The following IFT80 variants were observed in gnomAD, a reference collection of about 807,000 sequenced individuals.
IFT80 encodes the protein intraflagellar transport 80.
A neutral mutation model predicts 107.9 loss-of-function variants in IFT80; 79 were observed. That is an observed-to-expected ratio of 0.73 (90% CI 0.61 to 0.88). The LOEUF (loss-of-function observed/expected upper bound fraction) is 0.88. Ranked by LOEUF, IFT80 falls within the 40% of genes least tolerant of loss-of-function variation. The pLI, the probability that IFT80 is intolerant of heterozygous loss-of-function variation, is 0.00. For missense variants in IFT80, 797 were observed against 914.2 expected (o/e 0.87, Z 1.65); for synonymous variants, 299 against 300.9 (o/e 0.99, Z 0.07).
chr3:160,386,114 A>C (rs181486258), intron 1 of IFT80, among the ~76,000 whole-genome samples: 1 of 152,320 alleles, frequency 6.6e-6, no homozygotes, highest in Admixed American at 6.5e-5. Context: ...TGGTTTTTAC[A>C]AGAAAGGAAT....
intron 14 of IFT80, 125 bp from the exon 15 acceptor site, chr3:160,280,939 T>C (rs1714642962): frequency 2.5e-6 from 2 of 811,334 alleles, no homozygotes; most frequent in South Asian, 3.1e-5. Context: ...TACTTTCTGA[T>C]TCTATAATGG....
chr3:160,292,958 G>A (rs1046499379), intron 12 of IFT80, among the ~76,000 whole-genome samples: 1 of 152,170 alleles, frequency 6.6e-6, no homozygotes, highest in African/African-American at 2.4e-5. Context: ...GGACCTGATA[G>A]GATGGGTTGT....
intron 8 of IFT80, among the ~76,000 whole-genome samples, chr3:160,345,130 A>C (rs962977217): frequency 1.3e-5 from 2 of 152,222 alleles, no homozygotes; most frequent in Non-Finnish European, 2.9e-5. Context: ...TCCAAGAGCT[A>C]TCTCCATGTT....
chr3:160,290,108 C>A (rs112137900), intron 12 of IFT80, among the ~76,000 whole-genome samples: 20 of 152,056 alleles, frequency 1.3e-4, no homozygotes, highest in Non-Finnish European at 2.4e-4. Flanking sequence ...ACACCTCCCC[C>A]ACCTACTACT....
intron 9 of IFT80, among the ~76,000 whole-genome samples, chr3:160,308,249 T>C (rs1257956733): frequency 1.3e-5 from 2 of 152,098 alleles, no homozygotes; most frequent in African/African-American, 4.8e-5. Flanking sequence ...GTAGGAGGTA[T>C]TGGTAAACAA....
chr3:160,295,832 A>C (rs1715930876), intron 12 of IFT80, among the ~76,000 whole-genome samples: 1 of 152,218 alleles, frequency 6.6e-6, no homozygotes, highest in African/African-American at 2.4e-5. Context: ...AAAAAAGGAA[A>C]TCCTGCAACA....
At chr3:160,380,986 G>A (rs1191304258) in intron 3 of IFT80, among the ~76,000 whole-genome samples, 2 of 151,940 alleles carry the variant, frequency 1.3e-5, no homozygotes, top group African/African-American at 4.8e-5. Context: ...TGTAATCCCA[G>A]CACTTTGGGA....
At chr3:160,319,718 T>C in intron 9 of IFT80, 42 bp downstream of exon 9, 2 of 1,480,878 alleles carry the variant, frequency 1.4e-6, no homozygotes, top group South Asian at 1.1e-5. Flanking sequence ...TTAACTAATA[T>C]GAAAAGAAGC....
chr3:160,381,573 G>C lies in IFT80; in HGVS notation c.189C>G (p.His63Gln). ...TTACACCCAAACTTTTTGGAAACCA[G>C]TGAAAATCAATAGGGTAAATATCAT... ...LPDDIYPIDF[H>Q]WFPKSLGVKK... Residue 63 changes from histidine (H) to glutamine (Q), a missense_variant, in exon 3 of 20, where the codon CAC (histidine) becomes CAG (glutamine). His to Gln is a conservative substitution (Grantham distance 24). Transcript: ENST00000326448. 1 of 1,613,772 alleles carries C rather than the reference G, an allele frequency of 6.2e-7. No homozygotes were observed. The highest frequency in any genetic ancestry group is 1.1e-5 in the South Asian group (1 of 91,072).
intron 9 of IFT80, among the ~76,000 whole-genome samples, chr3:160,309,248 C>T (rs1003216288): frequency 7.2e-5 from 11 of 152,060 alleles, no homozygotes; most frequent in Admixed American, 4.6e-4. Flanking sequence ...CACTACAGCA[C>T]TATTAGTAAT....
chr3:160,315,933 T>C (rs1391524218), intron 9 of IFT80, among the ~76,000 whole-genome samples: 1 of 152,148 alleles, frequency 6.6e-6, no homozygotes, highest in Non-Finnish European at 1.5e-5. Flanking sequence ...AGGTTGAATA[T>C]GTATCCATAT....
chr3:160,277,181 G>T, intron 18 of IFT80, 125 bp downstream of exon 18: 1 of 809,328 alleles, frequency 1.2e-6, no homozygotes, highest in Non-Finnish European at 2.1e-6. Flanking sequence ...ATATGAATAT[G>T]AATAAATTCT....
chr3:160,346,050 A>C lies in IFT80; in HGVS notation c.777+9963T>G, dbSNP rs1720268926. 2.0e-5 allele frequency among the ~76,000 whole-genome samples: 3 copies of C among 152,320 alleles called. No homozygotes were observed. The South Asian group carries it at 6.2e-4, about 32-fold the overall frequency. On this transcript the variant is annotated intron_variant, in intron 8 of 19. Coordinates refer to ENST00000326448, the MANE Select transcript of IFT80 (RefSeq NM_020800.3). ...CTGTGTATCTACAAAAATTAAAGTTAAATAAATAAAAAAATCAAATCTATA... is the reference window on the plus strand; with the variant it reads ...CTGTGTATCTACAAAAATTAAAGTTCAATAAATAAAAAAATCAAATCTATA...
intron 3 of IFT80, among the ~76,000 whole-genome samples, chr3:160,380,098 T>G (rs1158759585): frequency 1.3e-5 from 2 of 150,662 alleles, no homozygotes; most frequent in East Asian, 2.0e-4. Context: ...AATGGCGCAA[T>G]CTCAGCTCAC....
intron 18 of IFT80, among the ~76,000 whole-genome samples, chr3:160,276,089 CA>C (rs1470014957): frequency 6.6e-6 from 1 of 151,968 alleles, no homozygotes; most frequent in Non-Finnish European, 1.5e-5. Context: ...AGGCTGGTCT[CA>C]AACTCCTGAC....
At position 160,268,526 on chromosome 3, in the gene IFT80, A is replaced by G. The variant is rs1373938487; in HGVS notation, c.2110T>C (p.Leu704=). Residue 704 remains leucine (L), a synonymous_variant, in exon 19 of 20, where the codon TTG becomes CTG. Transcript: ENST00000326448. ...NLYNWERALE[L]AVKYKTHVDT... ...ACATGTGTTTTGTATTTTACAGCCA[A>G]TTCCAGTGCCCTATAATGAGAAATA... 1 of 1,613,336 alleles carries G rather than the reference A, an allele frequency of 6.2e-7. No homozygotes were observed. The highest frequency in any genetic ancestry group is 2.2e-5 in the East Asian group (1 of 44,788).
chr3:160,264,795 C>G (rs763822863), intron 19 of IFT80, among the ~76,000 whole-genome samples: 28 of 152,172 alleles, frequency 1.8e-4, no homozygotes, highest in Non-Finnish European at 3.5e-4. Flanking sequence ...AATGGCTTCT[C>G]TTATTTAATT....
At chr3:160,301,276 A>G (rs1716405243) in intron 11 of IFT80, among the ~76,000 whole-genome samples, 1 of 151,932 alleles carries the variant, frequency 6.6e-6, no homozygotes, top group African/African-American at 2.4e-5. Flanking sequence ...AAAAATGAAA[A>G]TGTCCATAAT....
intron 8 of IFT80, among the ~76,000 whole-genome samples, chr3:160,322,491 AAT>A (rs1718318068): frequency 6.6e-6 from 1 of 152,108 alleles, no homozygotes; most frequent in Non-Finnish European, 1.5e-5. Context: ...TGCTACAATC[AAT>A]ATACGTGTGC....
Sources: gnomAD v4.1 joint callset for allele counts (sites outside exome capture counted in the v4.1 genomes callset) on GRCh38, gnomAD v4.1.1 for gene constraint, MANE v1.5 for transcripts, NCBI Gene and HGNC (gene_info 2026-07-23, HGNC 2026-07-21) for gene names.